ITGAX: variants seen among roughly 807,000 people sequenced by gnomAD.
The protein encoded by ITGAX is integrin alpha-X.
In ITGAX, 99 loss-of-function variants were observed where a neutral mutation model predicts 140.2. The ratio of observed to expected loss-of-function variants is 0.71; its 90% CI spans 0.60 to 0.83. The LOEUF is 0.83. ITGAX is among the 40% of genes least tolerant of loss of function. The pLI is 0.00. For missense variants in ITGAX, 1,444 were observed against 1,482.0 expected, an observed-to-expected ratio of 0.97 and a Z score of 0.42; for synonymous variants, 631 against 600.4, an observed-to-expected ratio of 1.05 and a Z score of -0.75.
At chr16:31,381,523 C>T (rs974298250) in intron 29 of ITGAX, among the ~76,000 whole-genome samples, 9 of 152,046 alleles carry the variant, frequency 5.9e-5, no homozygotes, top group African/African-American at 1.9e-4. Context: ...GGTGAAACCC[C>T]GTCTCTACTA....
At chr16:31,371,868 C>T (rs2080966692) in intron 17 of ITGAX, 84 bp downstream of exon 17, 2 of 1,497,776 alleles carry the variant, frequency 1.3e-6, no homozygotes, top group East Asian at 2.3e-5. Flanking sequence ...GTGTTCCGGC[C>T]TCCCTGTGGC....
At chr16:31,361,025 T>G in intron 8 of ITGAX, 38 bp from the exon 9 acceptor site, 1 of 1,599,510 alleles carries the variant, frequency 6.3e-7, no homozygotes, top group Non-Finnish European at 8.5e-7. Context: ...GCACATTTGA[T>G]TTATTATTTT....
intron 17 of ITGAX, 56 bp from the exon 18 acceptor site, chr16:31,372,322 G>C: frequency 6.4e-7 from 1 of 1,562,294 alleles, no homozygotes. Context: ...GGATGAGGCC[G>C]AGCGCAGCTC....
chr16:31,364,875 T>C (rs930042569), intron 14 of ITGAX, among the ~76,000 whole-genome samples: 3 of 146,026 alleles, frequency 2.1e-5, no homozygotes, highest in Admixed American at 6.9e-5. Context: ...AAAAATTAGC[T>C]GGGCATGGTG....
intron 5 of ITGAX, among the ~76,000 whole-genome samples, chr16:31,358,978 C>T (rs2080791831): frequency 1.3e-5 from 2 of 151,674 alleles, no homozygotes; most frequent in South Asian, 4.2e-4. Context: ...CTACCATGCC[C>T]AGCTGATTTT....
intron 17 of ITGAX, 99 bp downstream of exon 17, chr16:31,371,883 C>A: frequency 1.4e-6 from 2 of 1,412,034 alleles, no homozygotes; most frequent in Non-Finnish European, 1.9e-6. Context: ...TGTGGCTCAG[C>A]CCAGCACAGG....
At position 31,359,842 on chromosome 16, in the gene ITGAX, G is replaced by A; in HGVS notation, c.561+12G>A. On this transcript the variant is annotated intron_variant, in intron 6 of 29. Transcript: ENST00000268296. ...GACCCAGCACCCAGGTGTGCCTTTG[G>A]GGGAGGGAGGCTGCTGGGGGTGGGT... The A allele has an allele frequency of 6.2e-7, 1 of 1,614,106 alleles. No individual in the cohort carries two copies. The highest frequency in any genetic ancestry group is 8.5e-7 in the Non-Finnish European group (1 of 1,179,994).
chr16:31,371,296 G>A lies in ITGAX; in HGVS notation c.1842-38G>A, dbSNP rs531920741. 7 of 1,610,812 alleles carry A rather than the reference G, an allele frequency of 4.3e-6. No individual in the cohort carries two copies. In the South Asian group the frequency reaches 5.5e-5, roughly 13 times the overall value. The stretch of plus-strand genomic sequence containing the variant: ...CCCACCCCACGTGGTGCTCCCAGGA[G>A]CCGACGGCCTGTCCTCAGCTCGGTG... On this transcript the variant is annotated intron_variant, in intron 15 of 29. Coordinates refer to ENST00000268296, the MANE Select transcript of ITGAX (RefSeq NM_000887.5).
chr16:31,360,711 T>C (rs1334737974), intron 8 of ITGAX: 4 of 529,964 alleles, frequency 7.5e-6, no homozygotes, highest in Non-Finnish European at 1.3e-5. Context: ...AGATGGGGTC[T>C]TGCTATGTTG....
chr16:31,377,530 A>C (rs2081031782), intron 23 of ITGAX, among the ~76,000 whole-genome samples: 1 of 152,230 alleles, frequency 6.6e-6, no homozygotes, highest in African/African-American at 2.4e-5. Context: ...GATCAAAACC[A>C]GACATGAACC....
At position 31,382,681 on chromosome 16, in the gene ITGAX, T is replaced by C; in HGVS notation, c.*774T>C. 1 of 611,646 alleles carries C rather than the reference T, an allele frequency of 1.6e-6. No individual in the cohort carries two copies. The highest frequency in any genetic ancestry group is 3.0e-6 in the Non-Finnish European group (1 of 336,874). The allele number at this position is 611,646 out of a possible 1,614,324, so 37.9% of individuals were successfully genotyped here. On this transcript the variant is annotated 3_prime_UTR_variant, in exon 30 of 30. Coordinates refer to ENST00000268296, the MANE Select transcript of ITGAX (RefSeq NM_000887.5). ...TTCCCAGGCTGAATTGGGAGTGAGA[T>C]GCCTGCATGCTGGGTTCTGCACAGC...
In ITGAX at chr16:31,356,245, G is replaced by A. The variant is rs530675484; in HGVS notation, c.143+247G>A. 81 of 486,920 alleles carry A rather than the reference G, an allele frequency of 1.7e-4. 1 individual carries two copies. In the South Asian group the frequency reaches 2.9e-3, roughly 17 times the overall value. The allele number at this position is 486,920 out of a possible 1,614,324, so 30.2% of individuals were successfully genotyped here. A position where few individuals can be genotyped will look rare whatever the true frequency, so the allele number is the denominator to read the frequency against. On this transcript the variant is annotated intron_variant, in intron 2 of 29. Coordinates refer to ENST00000268296, the MANE Select transcript of ITGAX (RefSeq NM_000887.5). ...TAGTCCACACGACAGCCTGTGAGTAGGAATCAGTCGTGCAACAAACACTTA... is the reference window on the plus strand; with the variant it reads ...TAGTCCACACGACAGCCTGTGAGTAAGAATCAGTCGTGCAACAAACACTTA...
intron 5 of ITGAX, chr16:31,357,823 G>A (rs2080780200): frequency 2.6e-6 from 1 of 386,880 alleles, no homozygotes; most frequent in South Asian, 1.1e-4. Context: ...ACGTGTGTGT[G>A]TGTACATGTG....
intron 14 of ITGAX, among the ~76,000 whole-genome samples, chr16:31,365,987 G>T (rs1198514862): frequency 6.6e-6 from 1 of 152,210 alleles, no homozygotes; most frequent in African/African-American, 2.4e-5. Context: ...AGAAGAGGGT[G>T]AAAGACTGTT....
In ITGAX at chr16:31,363,166, G is replaced by A; in HGVS notation, c.1502G>A (p.Trp501Ter). ...CCTGGCACTGCTTTTTTTCTGCAGT[G>A]GAGAAGGTGGTGGTGTGATGCTGTT... is the stretch of plus-strand genomic sequence containing the variant. ...QVSVCPLPRG[W>*]RRWWCDAVLY... The change falls in exon 14 of 30, where the codon TGG (tryptophan) becomes TAG (stop). Residue 501 changes from tryptophan to a stop codon, truncating the protein, a stop_gained and splice_region_variant. Transcript: ENST00000268296. LOFTEE classifies it high-confidence loss of function. The A allele has an allele frequency of 6.2e-7, 1 of 1,609,504 alleles. No homozygotes were observed. The highest frequency in any genetic ancestry group is 8.5e-7 in the Non-Finnish European group (1 of 1,178,042).
rs775006242 is a variant in ITGAX, at chr16:31,371,728, C to T, written c.2104C>T (p.Arg702Ter). 1.1e-5 allele frequency: 18 copies of T among 1,614,016 alleles called. No homozygotes were observed. The highest frequency in any genetic ancestry group is 3.3e-5 in the South Asian group (3 of 91,080). Residue 702 changes from arginine to a stop codon, truncating the protein, a stop_gained, in exon 17 of 30, where the codon CGA becomes TGA. Coordinates refer to ENST00000268296, the MANE Select transcript of ITGAX (RefSeq NM_000887.5). LOFTEE classifies it high-confidence loss of function. ...GGAAACAAAGAACCGGAGTCTGAGC[C>T]GAGTCCGAGTCCTCGGGCTGAAGGC... ...FQETKNRSLS[R>*]VRVLGLKAHC...
At chr16:31,355,830 G>T in intron 1 of ITGAX, 63 bp from the exon 2 acceptor site, 6 of 1,311,984 alleles carry the variant, frequency 4.6e-6, no homozygotes, top group Admixed American at 1.8e-5. Context: ...GGGGCCGGGG[G>T]TGGAGGGCAG....
intron 25 of ITGAX, 24 bp from the exon 26 acceptor site, chr16:31,379,957 AC>A: frequency 6.2e-7 from 1 of 1,610,258 alleles, no homozygotes; most frequent in Non-Finnish European, 8.5e-7. Flanking sequence ...CAGCTGAGAC[AC>A]TTGTTCTCTG....
Position 31,355,195 on chromosome 16 carries a change from T to C in ITGAX, c.-60T>C. ...CTGCCCACTTGCTTCCTCAGTACCT[T>C]GGTCCAGCTCTTCCTGCAACGGCCC... On this transcript the variant is annotated 5_prime_UTR_variant, in exon 1 of 30. Transcript: ENST00000268296. 1 of 1,595,278 alleles carries C rather than the reference T, an allele frequency of 6.3e-7. No individual in the cohort carries two copies. Among genetic ancestry groups the C allele is most frequent in the Middle Eastern group, 1.7e-4 (1 of 6,024 alleles).
Sources: gnomAD v4.1 joint callset for allele counts (sites outside exome capture counted in the v4.1 genomes callset) on GRCh38, gnomAD v4.1.1 for gene constraint, MANE v1.5 for transcripts, NCBI Gene and HGNC (gene_info 2026-07-23, HGNC 2026-07-21) for gene names.